Variants in AGBL1 observed in about 807,000 individuals in gnomAD.
AGBL1 encodes the protein cytosolic carboxypeptidase 4.
In AGBL1, 130 loss-of-function variants were observed where a neutral mutation model predicts 118.9. The observed-to-expected ratio is 1.09, with a 90% confidence interval of 0.95 to 1.26. The LOEUF is 1.26. Among genes scored for constraint, AGBL1 ranks in the 50% most tolerant of loss-of-function variants. The pLI is 0.00. For missense variants in AGBL1, 1,584 were observed against 1,298.1 expected (o/e 1.22, Z -3.38); for synonymous variants, 555 against 478.9 (o/e 1.16, Z -2.08).
At chr15:86,762,338 AC>A (rs1298374040) in intron 22 of AGBL1, among the ~76,000 whole-genome samples, 1 of 151,826 alleles carries the variant, frequency 6.6e-6, no homozygotes, top group African/African-American at 2.4e-5. Flanking sequence ...TATGTAACAA[AC>A]CTCCACATCC....
At position 86,484,640 on chromosome 15, in the gene AGBL1, G is replaced by T. The variant is rs192977945; in HGVS notation, c.2556-38170G>T. On this transcript the variant is annotated intron_variant, in intron 18 of 22. Transcript: ENST00000614907. ...AAGCTTGAGTACTCTCTCACCCTTG[G>T]CACACTGAAATACTACTGCCTGAGT... Among the ~76,000 whole-genome samples the T allele has an allele frequency of 1.7e-3, 257 of 152,090 alleles. 2 individuals carry two copies. The highest frequency in any genetic ancestry group is 6.0e-3 in the African/African-American group (248 of 41,516).
intron 18 of AGBL1, among the ~76,000 whole-genome samples, chr15:86,403,504 A>G (rs1275422137): frequency 1.3e-5 from 2 of 152,150 alleles, no homozygotes; most frequent in South Asian, 2.1e-4. Flanking sequence ...GGGACCATTT[A>G]AAGTTAGTGC....
intron 21 of AGBL1, among the ~76,000 whole-genome samples, chr15:86,560,049 G>T (rs1361346701): frequency 2.0e-5 from 3 of 152,098 alleles, no homozygotes; most frequent in African/African-American, 2.4e-5. Flanking sequence ...TTTTTGCTGG[G>T]TATCCAAGGG....
chr15:86,951,147 T>A (rs1198887485), intron 23 of AGBL1, among the ~76,000 whole-genome samples: 1 of 152,198 alleles, frequency 6.6e-6, no homozygotes, highest in Non-Finnish European at 1.5e-5. Flanking sequence ...GTGTACCTTT[T>A]AAATTTTTCT....
At chr15:86,756,727 A>G (rs1357439359) in intron 22 of AGBL1, among the ~76,000 whole-genome samples, 1 of 152,112 alleles carries the variant, frequency 6.6e-6, no homozygotes, top group Non-Finnish European at 1.5e-5. Flanking sequence ...AGTGAAGTTC[A>G]GTATGGCCGA....
chr15:86,466,080 C>A (rs1159558028), intron 18 of AGBL1, among the ~76,000 whole-genome samples: 1 of 152,150 alleles, frequency 6.6e-6, no homozygotes, highest in Non-Finnish European at 1.5e-5. Flanking sequence ...TTTCTCAGAC[C>A]GGCCGACACT....
At chr15:86,158,005 C>G (rs2077215867) in intron 4 of AGBL1, among the ~76,000 whole-genome samples, 1 of 152,072 alleles carries the variant, frequency 6.6e-6, no homozygotes, top group Non-Finnish European at 1.5e-5. Flanking sequence ...TAATTACTTG[C>G]CAAGAGTTTT....
chr15:86,121,771 A>C (rs955762921), intron 1 of AGBL1, among the ~76,000 whole-genome samples: 2 of 152,206 alleles, frequency 1.3e-5, no homozygotes, highest in South Asian at 4.1e-4. Context: ...TCAGAGGTTA[A>C]TCTTTGAACA....
chr15:86,586,694 A>G (rs2084253453), intron 21 of AGBL1, among the ~76,000 whole-genome samples: 1 of 152,168 alleles, frequency 6.6e-6, no homozygotes, highest in East Asian at 1.9e-4. Context: ...ATCATAAATA[A>G]ATTCCTGGGA....
intron 1 of AGBL1, among the ~76,000 whole-genome samples, chr15:86,118,678 G>A (rs1443936672): frequency 6.6e-6 from 1 of 151,996 alleles, no homozygotes; most frequent in African/African-American, 2.4e-5. Flanking sequence ...GAGGTGATGG[G>A]GCAGGAAATA....
chr15:86,847,525 T>G (rs1465395355), intron 22 of AGBL1, among the ~76,000 whole-genome samples: 1 of 152,180 alleles, frequency 6.6e-6, no homozygotes, highest in Non-Finnish European at 1.5e-5. Context: ...TTTTGAAAAT[T>G]TTTGTTTTTG....
intron 22 of AGBL1, among the ~76,000 whole-genome samples, chr15:86,769,663 C>T (rs886504184): frequency 1.3e-5 from 2 of 152,002 alleles, no homozygotes; most frequent in Admixed American, 1.3e-4. Flanking sequence ...CCATCCCCAT[C>T]GACATTGGTA....
intron 17 of AGBL1, among the ~76,000 whole-genome samples, chr15:86,353,401 G>T (rs1435543202): frequency 2.6e-5 from 4 of 152,126 alleles, no homozygotes; most frequent in Admixed American, 1.3e-4. Context: ...TGTATCTAAT[G>T]GGCTGCCACT....
intron 19 of AGBL1, among the ~76,000 whole-genome samples, chr15:86,533,675 T>C (rs2083381426): frequency 7.7e-6 from 1 of 130,472 alleles, no homozygotes; most frequent in Non-Finnish European, 1.6e-5. Context: ...ATGTTTATTG[T>C]GGCATTATTC....
intron 22 of AGBL1, among the ~76,000 whole-genome samples, chr15:86,777,814 G>T (rs377613156): frequency 2.6e-5 from 4 of 152,004 alleles, no homozygotes; most frequent in Non-Finnish European, 5.9e-5. Context: ...CATATATAAA[G>T]ATAAGTGAAC....
chr15:86,205,494 T>C (rs1199419467), intron 5 of AGBL1, among the ~76,000 whole-genome samples: 4 of 151,004 alleles, frequency 2.6e-5, no homozygotes, highest in Non-Finnish European at 5.9e-5. Flanking sequence ...CTGGATTGTA[T>C]AATAAAAGTT....
chr15:86,808,922 C>G (rs1388280629), intron 22 of AGBL1, among the ~76,000 whole-genome samples: 1 of 152,000 alleles, frequency 6.6e-6, no homozygotes, highest in Admixed American at 6.6e-5. Context: ...CAATTACATA[C>G]TCAATAACTA....
Position 86,912,345 on chromosome 15 carries a change from C to A in AGBL1, c.*5051C>A, listed in dbSNP as rs1220126254. 4 of 152,068 alleles carry A rather than the reference C, an allele frequency of 2.6e-5. No homozygotes were observed. The highest frequency in any genetic ancestry group is 7.3e-5 in the African/African-American group (3 of 41,378). 9.4% of individuals were successfully genotyped at this position (152,068 alleles called of 1,614,324 possible). On this transcript the variant is annotated 3_prime_UTR_variant, in exon 23 of 23. Coordinates refer to ENST00000614907, the MANE Select transcript of AGBL1 (RefSeq NM_001386094.1). ...GGAGGGGTGGCATCTCCAAGGGTTC[C>A]CAGGAGCTGCCACATTTACCCAGGG...
chr15:86,248,835 C>T (rs1292732987), intron 7 of AGBL1, among the ~76,000 whole-genome samples: 2 of 152,272 alleles, frequency 1.3e-5, no homozygotes, highest in South Asian at 4.1e-4. Context: ...TCTACAGGGG[C>T]TGCCATAGGT....
Sources: gnomAD v4.1 joint callset for allele counts (sites outside exome capture counted in the v4.1 genomes callset) on GRCh38, gnomAD v4.1.1 for gene constraint, MANE v1.5 for transcripts, NCBI Gene and HGNC (gene_info 2026-07-23, HGNC 2026-07-21) for gene names.